The following CPLANE1 variants were observed in gnomAD, a reference collection of about 807,000 sequenced individuals.
CPLANE1 encodes ciliogenesis and planar polarity effector complex subunit 1, also known as ciliogenesis and planar polarity effector 1.
Under a neutral mutation model 362.5 loss-of-function variants are expected in CPLANE1, and 263 were observed. That is an observed-to-expected ratio of 0.73 (90% confidence interval 0.66 to 0.80). CPLANE1 has a LOEUF of 0.80. CPLANE1 is among the 30% of genes least tolerant of loss of function. The pLI is 0.00. For missense variants in CPLANE1, 3,461 were observed against 3,793.4 expected, an observed-to-expected ratio of 0.91 and a Z score of 2.30; for synonymous variants, 1,212 against 1,302.6, an observed-to-expected ratio of 0.93 and a Z score of 1.50.
Position 37,164,347 on chromosome 5 carries a change from A to AT in CPLANE1, c.7534-21dup. The AT allele has an allele frequency of 6.2e-7, 1 of 1,600,112 alleles. No homozygotes were observed. Among genetic ancestry groups the AT allele is most frequent in the Non-Finnish European group, 8.6e-7 (1 of 1,168,362 alleles). On this transcript the variant is annotated intron_variant, in intron 36 of 52. Coordinates refer to ENST00000651892, the MANE Select transcript of CPLANE1 (RefSeq NM_001384732.1). ...TTGTTCCTAAATGAATTCCCACAGG[A>AT]TTACTCTATGATTAACTCAAAGATG... is the stretch of plus-strand genomic sequence containing the variant.
At chr5:37,119,202 A>G (rs576210177) in intron 50 of CPLANE1, among the ~76,000 whole-genome samples, 1 of 152,334 alleles carries the variant, frequency 6.6e-6, no homozygotes, top group East Asian at 1.9e-4. Context: ...GGATAAAAAC[A>G]TGACATTATT....
At chr5:37,135,227 G>C (rs1767288403) in intron 46 of CPLANE1, among the ~76,000 whole-genome samples, 1 of 152,124 alleles carries the variant, frequency 6.6e-6, no homozygotes, top group Non-Finnish European at 1.5e-5. Context: ...TCATTCAGGA[G>C]CAAGTTGTTT....
chr5:37,114,860 C>A (rs1471201242), intron 51 of CPLANE1, 100 bp downstream of exon 51: 12 of 688,688 alleles, frequency 1.7e-5, no homozygotes, highest in Non-Finnish European at 2.9e-5. Context: ...CATTGCACCA[C>A]TGCACTCCAG....
chr5:37,141,460 C>T (rs763409560), intron 44 of CPLANE1: 155 of 984,196 alleles, frequency 1.6e-4, no homozygotes, highest in Non-Finnish European at 1.8e-4. Flanking sequence ...TTATTATCCC[C>T]ATATGTTGAT....
chr5:37,196,992 G>A (rs571868420), intron 20 of CPLANE1, among the ~76,000 whole-genome samples: 6 of 151,866 alleles, frequency 4.0e-5, no homozygotes, highest in African/African-American at 1.4e-4. Flanking sequence ...CTACCTCAAT[G>A]AGCACAGATT....
At chr5:37,178,770 T>A (rs1327695461) in intron 29 of CPLANE1, among the ~76,000 whole-genome samples, 1 of 152,212 alleles carries the variant, frequency 6.6e-6, no homozygotes, top group African/African-American at 2.4e-5. Flanking sequence ...TTTAATTTTT[T>A]TTTTTAAAAG....
chr5:37,120,389 C>G (rs779204013), intron 49 of CPLANE1, 49 bp from the exon 50 acceptor site: 1 of 1,490,320 alleles, frequency 6.7e-7, no homozygotes, highest in Non-Finnish European at 9.0e-7. Flanking sequence ...CTCATATCAG[C>G]GATAAACTTT....
chr5:37,245,382 C>A (rs1229126669), intron 4 of CPLANE1, 97 bp downstream of exon 4: 3 of 803,734 alleles, frequency 3.7e-6, no homozygotes, highest in African/African-American at 3.8e-5. Context: ...TGCACATACA[C>A]AGAAATACAT....
chr5:37,127,969 G>A (rs528885040), intron 46 of CPLANE1, among the ~76,000 whole-genome samples: 2 of 152,200 alleles, frequency 1.3e-5, no homozygotes, highest in East Asian at 3.9e-4. Context: ...AGCCTGGGGA[G>A]GTTGAGGCTG....
At chr5:37,207,471 A>C (rs959400588) in intron 16 of CPLANE1, among the ~76,000 whole-genome samples, 13 of 152,256 alleles carry the variant, frequency 8.5e-5, no homozygotes, top group Admixed American at 7.2e-4. Flanking sequence ...TAACTTGAAT[A>C]ATTAAATTTT....
chr5:37,216,379 C>A (rs1179788443), intron 15 of CPLANE1, among the ~76,000 whole-genome samples: 1 of 152,060 alleles, frequency 6.6e-6, no homozygotes, highest in Non-Finnish European at 1.5e-5. Flanking sequence ...GAAACCCCAT[C>A]ACTGCAAAAA....
rs755478099 is a variant in CPLANE1 at position 37,205,466 on chromosome 5, T to C, written c.3150-12A>G. The C allele has an allele frequency of 5.0e-5, 74 of 1,470,218 alleles. No individual in the cohort carries two copies. In the African/African-American group the frequency reaches 9.6e-4, roughly 19 times the overall value. 91.1% of individuals were successfully genotyped at this position (1,470,218 alleles called of 1,614,324 possible). A position where few individuals can be genotyped will look rare whatever the true frequency, so the allele number is the denominator to read the frequency against. ...TCTTTTTCTTGGACCTGAAATGACA[T>C]CAAATTAAGGGAAATGAATCCAAAT... On this transcript the variant is annotated splice_polypyrimidine_tract_variant and intron_variant, in intron 17 of 52. Coordinates refer to ENST00000651892, the MANE Select transcript of CPLANE1 (RefSeq NM_001384732.1).
chr5:37,203,929 G>A (rs1024160672), intron 18 of CPLANE1, among the ~76,000 whole-genome samples: 1 of 152,122 alleles, frequency 6.6e-6, no homozygotes, highest in Non-Finnish European at 1.5e-5. Flanking sequence ...GGAACCCTTT[G>A]AATTTTTATT....
At chr5:37,244,002 C>T (rs935457544) in intron 5 of CPLANE1, among the ~76,000 whole-genome samples, 1 of 151,618 alleles carries the variant, frequency 6.6e-6, no homozygotes, top group Non-Finnish European at 1.5e-5. Flanking sequence ...AGGCATGTGC[C>T]ACCACGCCCA....
At chr5:37,227,909 A>G in intron 9 of CPLANE1, 92 bp from the exon 10 acceptor site, 1 of 1,272,664 alleles carries the variant, frequency 7.9e-7, no homozygotes, top group Admixed American at 2.9e-5. Flanking sequence ...AAAGTTACAG[A>G]ACAATGAAAA....
chr5:37,139,651 A>G (rs1769050473), intron 44 of CPLANE1: 2 of 441,212 alleles, frequency 4.5e-6, no homozygotes, highest in African/African-American at 4.2e-5. Flanking sequence ...TCCGGGCTCA[A>G]GCAAACCTCC....
chr5:37,213,967 A>C (rs1793319850), intron 15 of CPLANE1, among the ~76,000 whole-genome samples: 1 of 152,158 alleles, frequency 6.6e-6, no homozygotes, highest in Admixed American at 6.5e-5. Context: ...AAATCCACTT[A>C]TATATACAGA....
Position 37,108,280 on chromosome 5 carries a change from G to C in CPLANE1, c.9579+13C>G. The stretch of plus-strand genomic sequence containing the variant: ...GCAATCACTAGACAAACAAAATCTA[G>C]AACAATGCTTACTTGTAGAAGGGAA... On this transcript the variant is annotated intron_variant, in intron 52 of 52. Transcript: ENST00000651892. 2.5e-6 allele frequency: 4 copies of C among 1,609,848 alleles called. No individual in the cohort carries two copies. The highest frequency in any genetic ancestry group is 3.4e-6 in the Non-Finnish European group (4 of 1,177,048).
intron 51 of CPLANE1, among the ~76,000 whole-genome samples, chr5:37,114,241 A>T (rs189891134): frequency 6.6e-6 from 1 of 152,370 alleles, no homozygotes; most frequent in East Asian, 1.9e-4. Flanking sequence ...AGGTGTGAAC[A>T]CAATGCCTGG....
Sources: allele counts gnomAD v4.1 joint callset (sites outside exome capture counted in the v4.1 genomes callset), GRCh38; gene constraint gnomAD v4.1.1; transcripts MANE v1.5; gene names NCBI Gene and HGNC (gene_info 2026-07-23, HGNC 2026-07-21).